The following OPCML variants were observed in gnomAD, a reference collection of about 807,000 sequenced individuals.
OPCML encodes the protein opioid binding protein/cell adhesion molecule like, also known as opioid-binding protein/cell adhesion molecule.
OPCML carries 13 observed loss-of-function variants against 37.8 expected under a neutral mutation model. The observed-to-expected ratio is 0.34, with a 90% CI of 0.22 to 0.55. The LOEUF (loss-of-function observed/expected upper bound fraction) is 0.55. Among genes scored for constraint, OPCML ranks in the 20% least tolerant of loss-of-function variants. The pLI, the probability that OPCML is intolerant of heterozygous loss-of-function variation, is 0.91. For synonymous variants in OPCML, 176 were observed against 168.8 expected (o/e 1.04, Z -0.33); for missense variants, 341 against 435.6 (o/e 0.78, Z 1.93).
chr11:133,319,646 AT>A (rs1198094411), intron 1 of OPCML, among the ~76,000 whole-genome samples: 5 of 152,198 alleles, frequency 3.3e-5, no homozygotes, highest in Admixed American at 6.5e-5. Context: ...CGTCTGCCAC[AT>A]CTTCAATGGC....
chr11:133,525,642 C>A (rs895654743), intron 1 of OPCML, among the ~76,000 whole-genome samples: 1 of 152,120 alleles, frequency 6.6e-6, no homozygotes, highest in Admixed American at 6.5e-5. Context: ...GGAATGAGAC[C>A]ACTGTGTTTC....
At chr11:133,327,521 C>T (rs1242860403) in intron 1 of OPCML, among the ~76,000 whole-genome samples, 1 of 151,988 alleles carries the variant, frequency 6.6e-6, no homozygotes, top group African/African-American at 2.4e-5. Flanking sequence ...TTCTCTGAAA[C>T]AGCAGATCTC....
chr11:132,715,051 G>C (rs938168416), intron 2 of OPCML, among the ~76,000 whole-genome samples: 7 of 151,806 alleles, frequency 4.6e-5, no homozygotes, highest in African/African-American at 1.7e-4. Context: ...TCATGGGCAA[G>C]GGAGGGCAGG....
At chr11:132,963,007 G>C (rs1946126505) in intron 1 of OPCML, among the ~76,000 whole-genome samples, 1 of 152,064 alleles carries the variant, frequency 6.6e-6, no homozygotes, top group Non-Finnish European at 1.5e-5. Flanking sequence ...TCTGAATGGG[G>C]ACCTGCAGCC....
intron 2 of OPCML, among the ~76,000 whole-genome samples, chr11:132,800,161 A>T: frequency 6.6e-6 from 1 of 152,276 alleles, no homozygotes; most frequent in South Asian, 2.1e-4. Context: ...TTTATTACTA[A>T]GTATTTTGTA....
At chr11:133,005,574 A>G (rs1947093448) in intron 1 of OPCML, 1 of 985,156 alleles carries the variant, frequency 1.0e-6, no homozygotes, top group Non-Finnish European at 1.2e-6. Context: ...ATTTTAATAT[A>G]TCCCTTTCCT....
intron 4 of OPCML, among the ~76,000 whole-genome samples, chr11:132,441,121 G>C (rs925963270): frequency 6.6e-6 from 1 of 151,106 alleles, no homozygotes; most frequent in Admixed American, 6.6e-5. Context: ...TGGCCTGTGA[G>C]CCATTGGAAA....
intron 1 of OPCML, among the ~76,000 whole-genome samples, chr11:133,028,962 G>A (rs1176638631): frequency 6.7e-6 from 1 of 149,000 alleles, no homozygotes; most frequent in African/African-American, 2.5e-5. Flanking sequence ...TGCAAACTAT[G>A]CACCTGACAA....
chr11:133,277,317 G>A (rs1296657975), intron 1 of OPCML, among the ~76,000 whole-genome samples: 1 of 152,100 alleles, frequency 6.6e-6, no homozygotes, highest in East Asian at 1.9e-4. Context: ...GAAAGAAAAT[G>A]TGCCAATTGG....
At chr11:132,688,891 A>G (rs2135881489) in intron 2 of OPCML, among the ~76,000 whole-genome samples, 1 of 32,162 alleles carries the variant, frequency 3.1e-5, no homozygotes, top group South Asian at 9.2e-4. Flanking sequence ...CGGAGCTTGC[A>G]GTGAGCCGAG....
chr11:132,769,216 A>AT (rs1356522636), intron 2 of OPCML, among the ~76,000 whole-genome samples: 1 of 143,916 alleles, frequency 6.9e-6, no homozygotes, highest in African/African-American at 2.6e-5. Context: ...GTTTTTTTGT[A>AT]TTTTTTTGTT....
chr11:133,169,899 C>T lies in OPCML; in HGVS notation c.62-226889G>A, dbSNP rs188123162. Among the ~76,000 whole-genome samples, 401 of 152,090 alleles carry T rather than the reference C, an allele frequency of 2.6e-3. 4 individuals carry two copies. The highest frequency in any genetic ancestry group is 9.3e-3 in the African/African-American group (387 of 41,490). On this transcript the variant is annotated intron_variant, in intron 1 of 7. Coordinates refer to ENST00000524381, the MANE Select transcript of OPCML (RefSeq NM_001012393.5). Reference sequence around the variant, plus strand: ...GTAAACATTTTAATAATAATATGAGCACCAAAAATTAAAGCTAAATAAAAT... The same window carrying T: ...GTAAACATTTTAATAATAATATGAGTACCAAAAATTAAAGCTAAATAAAAT...
At chr11:133,039,862 T>C (rs1246262421) in intron 1 of OPCML, among the ~76,000 whole-genome samples, 2 of 152,144 alleles carry the variant, frequency 1.3e-5, no homozygotes, top group Middle Eastern at 3.4e-3. Context: ...ACCCCATCTC[T>C]ACTAAAAATA....
chr11:132,811,871 A>T (rs1045425187), intron 2 of OPCML, among the ~76,000 whole-genome samples: 6 of 152,226 alleles, frequency 3.9e-5, no homozygotes, highest in African/African-American at 1.4e-4. Context: ...AGGCAGACGG[A>T]TTAGAGCATC....
intron 1 of OPCML, among the ~76,000 whole-genome samples, chr11:133,140,564 GAAGAAGAAGAAGA>G (rs1231615783): frequency 3.6e-5 from 5 of 139,086 alleles, no homozygotes; most frequent in African/African-American, 5.6e-5. Context: ...AGAAGAAGAA[GAAGAAGAAGAAGA>G]AAGAAGAAAA....
At chr11:133,023,937 G>A (rs1947500036) in intron 1 of OPCML, among the ~76,000 whole-genome samples, 1 of 152,164 alleles carries the variant, frequency 6.6e-6, no homozygotes, top group Admixed American at 6.5e-5. Flanking sequence ...GCATCATAAG[G>A]TGAAGGAAGA....
chr11:132,416,609 G>A lies in OPCML; in HGVS notation c.*3584C>T, dbSNP rs2136628162. The A allele has an allele frequency of 6.6e-6, 1 of 152,274 alleles. No homozygotes were observed. The highest frequency in any genetic ancestry group is 2.1e-4 in the South Asian group (1 of 4,824). The allele number at this position is 152,274 out of a possible 1,614,324, so 9.4% of individuals were successfully genotyped here. On this transcript the variant is annotated 3_prime_UTR_variant, in exon 8 of 8. Coordinates refer to ENST00000524381, the MANE Select transcript of OPCML (RefSeq NM_001012393.5). ...AATAGTCTTCTCACCCAGGTTTTGAGAACAAACTGCCCAATCTGTAAATGT... is the reference window on the plus strand; with the variant it reads ...AATAGTCTTCTCACCCAGGTTTTGAAAACAAACTGCCCAATCTGTAAATGT...
chr11:132,947,309 A>G (rs1263093875), intron 1 of OPCML, among the ~76,000 whole-genome samples: 2 of 152,244 alleles, frequency 1.3e-5, no homozygotes, highest in Non-Finnish European at 2.9e-5. Context: ...TTTCTTAACA[A>G]TATATAATAA....
At chr11:133,235,103 C>A (rs755074023) in intron 1 of OPCML, among the ~76,000 whole-genome samples, 2 of 152,044 alleles carry the variant, frequency 1.3e-5, no homozygotes, top group East Asian at 1.9e-4. Context: ...AGGGGCTCCG[C>A]GGCTTTAGCT....
Sources: allele counts gnomAD v4.1 joint callset (sites outside exome capture counted in the v4.1 genomes callset), GRCh38; gene constraint gnomAD v4.1.1; transcripts MANE v1.5; gene names NCBI Gene and HGNC (gene_info 2026-07-23, HGNC 2026-07-21).